ZSWIM8: variants seen among roughly 807,000 people sequenced by gnomAD.
ZSWIM8 encodes zinc finger SWIM-type containing 8, also known as zinc finger SWIM domain-containing protein 8.
In ZSWIM8, 27 loss-of-function variants were observed where a neutral mutation model predicts 173.7. The ratio of observed to expected loss-of-function variants is 0.16; its 90% CI spans 0.11 to 0.21. The LOEUF is 0.21. ZSWIM8 is among the 10% of genes least tolerant of loss of function. The probability of loss-of-function intolerance (pLI) is 1.00; values close to 1 mark genes in which losing one functional copy is unlikely to be tolerated. For missense variants in ZSWIM8, 1,627 were observed against 2,428.8 expected (o/e 0.67, Z 6.94); for synonymous variants, 958 against 962.0 (o/e 1.00, Z 0.08).
Position 73,794,638 on chromosome 10 carries a change from G to T in ZSWIM8, c.2907G>T (p.Leu969Phe). ...GATTTGAAGCAGCAGTTGCTGCCTT[G>T]GGTGAGTCTTGAGCATATCAACGAG... is the stretch of plus-strand genomic sequence containing the variant. The part of the protein sequence containing the change: ...ELGFEAAVAA[L>F]GMKTTVSEAE... Residue 969 changes from leucine to phenylalanine, a missense_variant and splice_region_variant, in exon 14 of 26, where the codon TTG (leucine) becomes TTT (phenylalanine). Physicochemically the swap from Leu to Phe is conservative, Grantham distance 22. Coordinates refer to ENST00000604729, the MANE Select transcript of ZSWIM8 (RefSeq NM_001367799.1). 6.4e-7 allele frequency: 1 copy of T among 1,551,642 alleles called. No individual in the cohort carries two copies. Among genetic ancestry groups the T allele is most frequent in the Non-Finnish European group, 8.7e-7 (1 of 1,147,228 alleles).
chr10:73,800,901 CCTCAGCT>C lies in ZSWIM8; in HGVS notation c.5123-114_5123-108del. The C allele has an allele frequency of 8.0e-7, 1 of 1,250,850 alleles. No individual in the cohort carries two copies. Among genetic ancestry groups the C allele is most frequent in the East Asian group, 2.5e-5 (1 of 39,220 alleles). 77.5% of individuals were successfully genotyped at this position (1,250,850 alleles called of 1,614,324 possible). On this transcript the variant is annotated intron_variant, in intron 24 of 25. Transcript: ENST00000604729. The surrounding 1 kb of genome is among the most constrained non-coding windows in gnomAD (Gnocchi z 4.1). ...TGCGTGCGCGGGGGGCGGAGGGTTA[CCTCAGCT>C]CCTGGGGTGGAGGGAGGCTCTCTGC...
chr10:73,788,619 C>A, intron 1 of ZSWIM8, 51 bp from the exon 2 acceptor site: 1 of 1,598,930 alleles, frequency 6.3e-7, no homozygotes. Flanking sequence ...AGACCATGGC[C>A]CTTTTCATTT....
In ZSWIM8 at chr10:73,792,987, T is replaced by G. The variant is rs1380068942; in HGVS notation, c.2313+135T>G. 1.3e-5 allele frequency: 14 copies of G among 1,083,546 alleles called. No individual in the cohort carries two copies. Among genetic ancestry groups the G allele is most frequent in the African/African-American group, 3.1e-5 (2 of 63,930 alleles). 67.1% of individuals were successfully genotyped at this position (1,083,546 alleles called of 1,614,324 possible). ...GTTGCAGGCGCCGAACTGGTCTCCC[T>G]GCTTTCAGTCTACTCACTTTTCTGC... On this transcript the variant is annotated intron_variant, in intron 10 of 25. Coordinates refer to ENST00000604729, the MANE Select transcript of ZSWIM8 (RefSeq NM_001367799.1). The surrounding 1 kb of genome is among the most constrained non-coding windows in gnomAD (Gnocchi z 4.3).
chr10:73,798,403 G>A lies in ZSWIM8; in HGVS notation c.4126G>A (p.Ala1376Thr). Reference sequence around the variant, plus strand: ...CCTGAGCTGCCTGCCTCACGCCCATGCATTGAACCCTAATGAGATCCAGCG... The same window carrying A: ...CCTGAGCTGCCTGCCTCACGCCCATACATTGAACCCTAATGAGATCCAGCG... The part of the protein sequence containing the change: ...LALSCLPHAH[A>T]LNPNEIQRAL... The change falls in exon 20 of 26, where the codon GCA becomes ACA. Residue 1376 changes from alanine (A) to threonine (T), a missense_variant. Coordinates refer to ENST00000604729, the MANE Select transcript of ZSWIM8 (RefSeq NM_001367799.1). The A allele has an allele frequency of 1.2e-6, 2 of 1,614,012 alleles. No individual in the cohort carries two copies. The highest frequency in any genetic ancestry group is 1.7e-6 in the Non-Finnish European group (2 of 1,179,898).
At chr10:73,790,424 C>A in intron 7 of ZSWIM8, 132 bp downstream of exon 7, 2 of 1,301,616 alleles carry the variant, frequency 1.5e-6, no homozygotes. Context: ...GTGCCTGGCA[C>A]ACAGTTGTCA....
chr10:73,801,583 G>T lies in ZSWIM8; in HGVS notation c.*64G>T. ...TGTGGCTATGGGGGCCCCTCACACA[G>T]GGGGAGTGAAACTTGGCTGGACAGA... On this transcript the variant is annotated 3_prime_UTR_variant, in exon 26 of 26. Coordinates refer to ENST00000604729, the MANE Select transcript of ZSWIM8 (RefSeq NM_001367799.1). This position sits in a 1 kb window ranked among gnomAD's most constrained non-coding sequence, Gnocchi z 4.9. The T allele has an allele frequency of 6.3e-7, 1 of 1,579,576 alleles. No homozygotes were observed. The highest frequency in any genetic ancestry group is 8.6e-7 in the Non-Finnish European group (1 of 1,165,940).
rs1387223037 is a variant in ZSWIM8, at chr10:73,791,312, C to T, written c.1144-12C>T. The T allele has an allele frequency of 5.6e-6, 9 of 1,595,302 alleles. No homozygotes were observed. The highest frequency in any genetic ancestry group is 6.9e-6 in the Non-Finnish European group (8 of 1,165,152). On this transcript the variant is annotated splice_polypyrimidine_tract_variant and intron_variant, in intron 8 of 25. Transcript: ENST00000604729. This position sits in a 1 kb window ranked among gnomAD's most constrained non-coding sequence, Gnocchi z 6.0. ...GCTCTCAGGTGCAGCTCACAGCCTT[C>T]TTTGTCTCCAGATAACAGGTTGGTG...
At chr10:73,786,225 C>A in intron 1 of ZSWIM8, 139 bp downstream of exon 1, 1 of 969,586 alleles carries the variant, frequency 1.0e-6, no homozygotes, top group South Asian at 1.8e-5. Context: ...CGGCCGGGAG[C>A]TGTCCCCGAC....
rs779026778 is a variant in ZSWIM8, at chr10:73,791,572, T to C, written c.1319+73T>C. On this transcript the variant is annotated intron_variant, in intron 9 of 25. Coordinates refer to ENST00000604729, the MANE Select transcript of ZSWIM8 (RefSeq NM_001367799.1). This position sits in a 1 kb window ranked among gnomAD's most constrained non-coding sequence, Gnocchi z 6.0. ...AGGACAGACTGAGCCTTCATCTCCT[T>C]GTTTGCAGAGACATACCATGATTTT... 1 of 1,435,912 alleles carries C rather than the reference T, an allele frequency of 7.0e-7. No individual in the cohort carries two copies. Among genetic ancestry groups the C allele is most frequent in the Non-Finnish European group, 9.3e-7 (1 of 1,080,102 alleles). The allele number at this position is 1,435,912 out of a possible 1,614,324, so 88.9% of individuals were successfully genotyped here. A position where few individuals can be genotyped will look rare whatever the true frequency, so the allele number is the denominator to read the frequency against.
chr10:73,789,372 C>T lies in ZSWIM8; in HGVS notation c.463C>T (p.His155Tyr), dbSNP rs2083336294. 1.3e-6 allele frequency: 2 copies of T among 1,558,690 alleles called. No homozygotes were observed. The highest frequency in any genetic ancestry group is 8.7e-7 in the Non-Finnish European group (1 of 1,150,710). Residue 155 changes from histidine to tyrosine, a missense_variant, in exon 4 of 26, where the codon CAC becomes TAC. By Grantham distance (83) the His-to-Tyr change is moderately conservative. This residue lies in a region of ZSWIM8 where 29 missense variants were observed against 108.2 expected (regional missense o/e 0.27). Transcript: ENST00000604729. This position sits in a 1 kb window ranked among gnomAD's most constrained non-coding sequence, Gnocchi z 6.8. ...ATGCCCCCATTTCTCCCCAGGGTTC[C>T]ACCTGAGTGCTACAGTGGTGCCACC... Reference protein sequence around the residue: ...AVKDPLQIGFHLSATVVPPQM... With the variant: ...AVKDPLQIGFYLSATVVPPQM...
intron 7 of ZSWIM8, 23 bp from the exon 8 acceptor site, chr10:73,790,952 T>TTTCTGTTCCTC (rs1399520505): frequency 1.3e-6 from 2 of 1,596,952 alleles, no homozygotes; most frequent in African/African-American, 2.7e-5. Flanking sequence ...CTGTCATGGT[T>TTTCTGTTCCTC]TTCTGTTCCT....
rs770669126 is a variant in ZSWIM8, at chr10:73,789,734, G to A, written c.648G>A (p.Leu216=). ...CCCTTCAGGCTTCTGCAGTCTGCCTGCGAGCCCCAGTCTCAGAGTCCCTGT... is the reference window on the plus strand; with the variant it reads ...CCCTTCAGGCTTCTGCAGTCTGCCTACGAGCCCCAGTCTCAGAGTCCCTGT... ...FRIHNASAVC[L]RAPVSESLSR... is the part of the protein sequence containing the mutation. The change falls in exon 5 of 26, where the codon CTG becomes CTA. Residue 216 remains leucine (L), a synonymous_variant. Coordinates refer to ENST00000604729, the MANE Select transcript of ZSWIM8 (RefSeq NM_001367799.1). The surrounding 1 kb of genome is among the most constrained non-coding windows in gnomAD (Gnocchi z 6.8). 6.2e-7 allele frequency: 1 copy of A among 1,605,754 alleles called. No homozygotes were observed. The highest frequency in any genetic ancestry group is 1.1e-5 in the South Asian group (1 of 89,226).
chr10:73,795,688 T>C, intron 15 of ZSWIM8, 25 bp downstream of exon 15: 2 of 1,604,866 alleles, frequency 1.2e-6, no homozygotes, highest in African/African-American at 2.7e-5. Flanking sequence ...CTGGGTGCGG[T>C]GGCTCATGCC....
Position 73,789,270 on chromosome 10 carries a change from G to T in ZSWIM8, c.457+80G>T. The T allele has an allele frequency of 1.9e-6, 3 of 1,603,590 alleles. No individual in the cohort carries two copies. Among genetic ancestry groups the T allele is most frequent in the Non-Finnish European group, 2.6e-6 (3 of 1,172,878 alleles). On this transcript the variant is annotated intron_variant, in intron 3 of 25. Coordinates refer to ENST00000604729, the MANE Select transcript of ZSWIM8 (RefSeq NM_001367799.1). The surrounding 1 kb of genome is among the most constrained non-coding windows in gnomAD (Gnocchi z 6.8). ...ATGAAGTAAGAACACACCGCAAGAA[G>T]CTGGAGCATGTTGTCTGAATAACTG...
In ZSWIM8 at chr10:73,801,221, G is replaced by C; in HGVS notation, c.5301+26G>C. ...GTGACAACCTAGAATTATGGAGCAG[G>C]GTGGAGCACTTCCTGGGTGGTCTTG... On this transcript the variant is annotated intron_variant, in intron 25 of 25. Transcript: ENST00000604729. The surrounding 1 kb of genome is among the most constrained non-coding windows in gnomAD (Gnocchi z 4.9). The C allele has an allele frequency of 6.2e-7, 1 of 1,601,362 alleles. No homozygotes were observed. The highest frequency in any genetic ancestry group is 8.5e-7 in the Non-Finnish European group (1 of 1,172,700).
At chr10:73,788,178 G>C (rs1050194561) in intron 1 of ZSWIM8, among the ~76,000 whole-genome samples, 1 of 151,664 alleles carries the variant, frequency 6.6e-6, no homozygotes, top group Non-Finnish European at 1.5e-5. Context: ...TCCCTTCCGG[G>C]CTCTGGTCTA....
intron 7 of ZSWIM8, among the ~76,000 whole-genome samples, chr10:73,790,694 C>A (rs1398403192): frequency 6.6e-6 from 1 of 152,056 alleles, no homozygotes; most frequent in Non-Finnish European, 1.5e-5. Context: ...ACTAAAAAAA[C>A]AAAAATTAGC....
chr10:73,793,990 T>C lies in ZSWIM8; in HGVS notation c.2571T>C (p.Val857=), dbSNP rs982155092. ...RPEHHNLAFR[V]GMFALELQRP... ...AGCACCACAACCTGGCCTTCCGAGT[T>C]GGCATGTTTGCCTTGGAGCTACAGA... Residue 857 remains valine (V), a synonymous_variant, in exon 12 of 26, where the codon GTT becomes GTC. Transcript: ENST00000604729. The C allele has an allele frequency of 1.4e-5, 22 of 1,613,560 alleles. No individual in the cohort carries two copies. Among genetic ancestry groups the C allele is most frequent in the Non-Finnish European group, 1.8e-5 (21 of 1,179,676 alleles).
chr10:73,800,948 G>T lies in ZSWIM8; in HGVS notation c.5123-69G>T, dbSNP rs1414170966. The T allele has an allele frequency of 1.4e-6, 2 of 1,448,424 alleles. No homozygotes were observed. Among genetic ancestry groups the T allele is most frequent in the Non-Finnish European group, 1.9e-6 (2 of 1,069,562 alleles). 89.7% of individuals were successfully genotyped at this position (1,448,424 alleles called of 1,614,324 possible). A position where few individuals can be genotyped will look rare whatever the true frequency, so the allele number is the denominator to read the frequency against. Reference sequence around the variant, plus strand: ...AGGCTCTCTGCCAGGCCAGAGCTGAGATCTGTAAGTTGGGTCCCTAGGGCA... The same window carrying T: ...AGGCTCTCTGCCAGGCCAGAGCTGATATCTGTAAGTTGGGTCCCTAGGGCA... On this transcript the variant is annotated intron_variant, in intron 24 of 25. Transcript: ENST00000604729. This position sits in a 1 kb window ranked among gnomAD's most constrained non-coding sequence, Gnocchi z 4.1.
Sources: allele counts gnomAD v4.1 joint callset (sites outside exome capture counted in the v4.1 genomes callset), GRCh38; gene constraint gnomAD v4.1.1; regional missense constraint gnomAD v4.1.1; non-coding constraint Gnocchi (gnomAD v3.1); transcripts MANE v1.5; gene names NCBI Gene and HGNC (gene_info 2026-07-23, HGNC 2026-07-21).